The following TULP4 variants were observed in gnomAD, a reference collection of about 807,000 sequenced individuals.
TULP4 encodes TUB like protein 4, also known as tubby-related protein 4.
TULP4 carries 16 observed loss-of-function variants against 129.0 expected under a neutral mutation model. The ratio of observed to expected loss-of-function variants is 0.12; its 90% CI spans 0.08 to 0.19. The LOEUF (loss-of-function observed/expected upper bound fraction) is 0.19. TULP4 is among the 10% of genes least tolerant of loss of function. TULP4 has a pLI of 1.00. For synonymous variants in TULP4, 998 were observed against 854.0 expected (o/e 1.17, Z -2.94); for missense variants, 1,842 against 2,059.1 (o/e 0.89, Z 2.04).
chr6:158,488,400 T>C (rs1780117843), intron 8 of TULP4, among the ~76,000 whole-genome samples: 1 of 152,210 alleles, frequency 6.6e-6, no homozygotes, highest in South Asian at 2.1e-4. Context: ...GGCTTCACTG[T>C]GGCTTTCGCT....
rs754369167 is a variant in TULP4, at chr6:158,429,875, T to C, written c.521T>C (p.Ile174Thr). Residue 174 changes from isoleucine to threonine, a missense_variant, in exon 3 of 14, where the codon ATA becomes ACA. By Grantham distance (89) the Ile-to-Thr change is moderately conservative. Around this residue, in one of 5 missense-constraint regions of TULP4, gnomAD observed 151 missense variants for 268.7 expected, o/e 0.56. Coordinates refer to ENST00000367097, the MANE Select transcript of TULP4 (RefSeq NM_020245.5). ...TTGGAAAGTCAAATTACGTGTGGCA[T>C]ATGGACTCCTGACGACCAACAGGTA... Reference protein sequence around the residue: ...INLESQITCGIWTPDDQQVLF... With the variant: ...INLESQITCGTWTPDDQQVLF... The C allele has an allele frequency of 6.2e-7, 1 of 1,614,008 alleles. No individual in the cohort carries two copies. The highest frequency in any genetic ancestry group is 8.5e-7 in the Non-Finnish European group (1 of 1,179,990).
intron 8 of TULP4, among the ~76,000 whole-genome samples, chr6:158,484,283 C>T (rs1483128836): frequency 6.6e-6 from 1 of 151,148 alleles, no homozygotes; most frequent in Non-Finnish European, 1.5e-5. Context: ...CTTACTCTGT[C>T]ACCCAGACTG....
At chr6:158,367,806 T>C (rs1261408641) in intron 1 of TULP4, among the ~76,000 whole-genome samples, 2 of 151,790 alleles carry the variant, frequency 1.3e-5, no homozygotes, top group Non-Finnish European at 2.9e-5. Context: ...TTTGGGAGGT[T>C]GAGGTGGGAA....
intron 1 of TULP4, among the ~76,000 whole-genome samples, chr6:158,270,263 C>T (rs1052187405): frequency 2.6e-5 from 4 of 152,126 alleles, no homozygotes; most frequent in African/African-American, 9.7e-5. Flanking sequence ...ACTTGGAGCT[C>T]TCTTTCTTTG....
intron 2 of TULP4, among the ~76,000 whole-genome samples, chr6:158,423,721 A>G (rs1778408480): frequency 6.6e-6 from 1 of 152,090 alleles, no homozygotes; most frequent in African/African-American, 2.4e-5. Flanking sequence ...ACTCACTGCA[A>G]GCTCTGCCTA....
chr6:158,455,059 T>TAA (rs1562573433), intron 5 of TULP4, among the ~76,000 whole-genome samples: 1 of 24,400 alleles, frequency 4.1e-5, no homozygotes, highest in African/African-American at 6.8e-4. Flanking sequence ...TTTAACATTT[T>TAA]TTTTTTTTTT....
chr6:158,401,050 T>TTGTTGTTGTTG (rs1562551078), intron 1 of TULP4, among the ~76,000 whole-genome samples: 171 of 147,208 alleles, frequency 1.2e-3, no homozygotes, highest in African/African-American at 3.7e-3. Context: ...GTTTGGGTTT[T>TTGTTGTTGTTG]TTGTTGTTGT....
intron 1 of TULP4, among the ~76,000 whole-genome samples, chr6:158,245,583 C>T (rs1317817202): frequency 1.3e-5 from 2 of 151,848 alleles, no homozygotes; most frequent in Non-Finnish European, 1.5e-5. Flanking sequence ...AGAAAGTCCA[C>T]ATTTAGTAGG....
intron 1 of TULP4, among the ~76,000 whole-genome samples, chr6:158,247,017 G>T (rs1399120949): frequency 6.6e-6 from 1 of 152,134 alleles, no homozygotes; most frequent in Non-Finnish European, 1.5e-5. Context: ...AGTCAAAATG[G>T]ATTTGAGAGA....
At chr6:158,356,655 C>T (rs828003) in intron 1 of TULP4, among the ~76,000 whole-genome samples, 142,093 of 152,140 alleles carry the variant, frequency 0.93, 66,429 homozygotes, top group Admixed American at 0.96. Flanking sequence ...AGGATCCTTT[C>T]ATCTTTTATA....
At chr6:158,453,377 G>A (rs188893826) in intron 5 of TULP4, among the ~76,000 whole-genome samples, 1,672 of 151,142 alleles carry the variant, frequency 0.011, 30 homozygotes, top group African/African-American at 0.038. Context: ...CCAGCTACTC[G>A]GGAGGCTGAG....
Position 158,502,892 on chromosome 6 carries a change from G to T in TULP4, c.3229G>T (p.Ala1077Ser). 6.2e-7 allele frequency: 1 copy of T among 1,613,886 alleles called. No homozygotes were observed. The highest frequency in any genetic ancestry group is 8.5e-7 in the Non-Finnish European group (1 of 1,180,020). Residue 1077 changes from alanine to serine, a missense_variant, in exon 13 of 14, where the codon GCC (alanine) becomes TCC (serine). This residue lies in a region of TULP4 where 1,089 missense variants were observed against 987.1 expected (regional missense o/e 1.10). Coordinates refer to ENST00000367097, the MANE Select transcript of TULP4 (RefSeq NM_020245.5). ...SYSLLSPPDS[A>S]RDRTDYVNSA... ...CAGCCTCCTGAGCCCACCCGACAGC[G>T]CCCGCGACCGCACCGACTACGTCAA...
rs755383521 is a variant in TULP4 at position 158,502,591 on chromosome 6, G to A, written c.2928G>A (p.Gln976=). ...TGGCCCAGGGGCGGGGGGCTGCCCAGAGGTCCGACAATAGCCTCATCCACG... is the reference window on the plus strand; with the variant it reads ...TGGCCCAGGGGCGGGGGGCTGCCCAAAGGTCCGACAATAGCCTCATCCACG... The part of the protein sequence containing the change: ...SQLAQGRGAA[Q]RSDNSLIHAT... The change falls in exon 13 of 14, where the codon CAG becomes CAA. Residue 976 remains glutamine (Q), a synonymous_variant. Transcript: ENST00000367097. 2 of 1,602,068 alleles carry A rather than the reference G, an allele frequency of 1.2e-6. No homozygotes were observed. The highest frequency in any genetic ancestry group is 1.7e-5 in the Admixed American group (1 of 59,974).
chr6:158,423,863 A>G (rs1165312506), intron 2 of TULP4, among the ~76,000 whole-genome samples: 2 of 152,072 alleles, frequency 1.3e-5, no homozygotes, highest in African/African-American at 4.8e-5. Flanking sequence ...GATGGTCTCG[A>G]TCTCCTGACC....
chr6:158,321,684 G>T (rs1779637618), intron 1 of TULP4, among the ~76,000 whole-genome samples: 1 of 152,086 alleles, frequency 6.6e-6, no homozygotes, highest in South Asian at 2.1e-4. Context: ...ACCTCCCACT[G>T]TATCTGACTT....
intron 1 of TULP4, among the ~76,000 whole-genome samples, chr6:158,245,338 A>T (rs1778008954): frequency 6.6e-6 from 1 of 151,952 alleles, no homozygotes; most frequent in South Asian, 2.1e-4. Flanking sequence ...GATTTGGTAA[A>T]GTTTAATATA....
Position 158,344,340 on chromosome 6 carries a change from C to T in TULP4, c.252+30072C>T, listed in dbSNP as rs6936642. ...GTGTGGTGGACTCTCTTCACACAGA[C>T]GTGTGAGACAGCGGACTTTGTTTTA... On this transcript the variant is annotated intron_variant, in intron 1 of 13. Coordinates refer to ENST00000367097, the MANE Select transcript of TULP4 (RefSeq NM_020245.5). Among the ~76,000 whole-genome samples, 567 of 152,296 alleles carry T rather than the reference C, an allele frequency of 3.7e-3. 1 individual carries two copies. The highest frequency in any genetic ancestry group is 0.013 in the African/African-American group (534 of 41,546).
chr6:158,480,997 C>A, intron 7 of TULP4, 58 bp from the exon 8 acceptor site: 1 of 1,479,790 alleles, frequency 6.8e-7, no homozygotes, highest in Non-Finnish European at 9.1e-7. Flanking sequence ...CACTCTCTTT[C>A]CCTCTCTCTC....
chr6:158,304,566 A>G (rs1024151730), intron 1 of TULP4, among the ~76,000 whole-genome samples: 1 of 152,172 alleles, frequency 6.6e-6, no homozygotes, highest in Non-Finnish European at 1.5e-5. Flanking sequence ...TTTACTTTCA[A>G]TCTGTTATTG....
Sources: allele counts gnomAD v4.1 joint callset (sites outside exome capture counted in the v4.1 genomes callset), GRCh38; gene constraint gnomAD v4.1.1; regional missense constraint gnomAD v4.1.1; transcripts MANE v1.5; gene names NCBI Gene and HGNC (gene_info 2026-07-23, HGNC 2026-07-21).